COL18A1: variants seen among roughly 807,000 people sequenced by gnomAD.
COL18A1 encodes collagen alpha-1(XVIII) chain.
In COL18A1, 133 loss-of-function variants were observed where a neutral mutation model predicts 168.0. That is an observed-to-expected ratio of 0.79 (90% CI 0.69 to 0.91). The LOEUF is 0.91. Ranked by LOEUF, COL18A1 falls within the 40% of genes least tolerant of loss-of-function variation. The pLI, the probability that COL18A1 is intolerant of heterozygous loss-of-function variation, is 0.00. For missense variants in COL18A1, 2,126 were observed against 1,925.4 expected (o/e 1.10, Z -1.95); for synonymous variants, 949 against 809.0 (o/e 1.17, Z -2.94).
chr21:45,503,805 A>G (rs942530999), intron 32 of COL18A1: 1 of 327,030 alleles, frequency 3.1e-6, no homozygotes, highest in Non-Finnish European at 5.4e-6. Context: ...TAAAAAATTT[A>G]AAAATAAAAT....
intron 2 of COL18A1, among the ~76,000 whole-genome samples, chr21:45,438,627 G>A (rs2034285667): frequency 6.6e-6 from 1 of 152,246 alleles, no homozygotes; most frequent in Non-Finnish European, 1.5e-5. Context: ...GGGAGTGTGT[G>A]CTGTAGAGGC....
In COL18A1 at chr21:45,440,237, C is replaced by T. The variant is rs568673028; in HGVS notation, c.107-28005C>T. On this transcript the variant is annotated intron_variant, in intron 2 of 41. Coordinates refer to ENST00000651438, the MANE Select transcript of COL18A1 (RefSeq NM_001379500.1). ...CACAGGCTCCCGCTGGAATTTGCTGCGTTCTCCAAGCTCTGCAAGATTCAG... is the reference window on the plus strand; with the variant it reads ...CACAGGCTCCCGCTGGAATTTGCTGTGTTCTCCAAGCTCTGCAAGATTCAG... 2.7e-4 allele frequency among the ~76,000 whole-genome samples: 41 copies of T among 152,376 alleles called. No homozygotes were observed. The East Asian group carries it at 7.9e-3, about 29-fold the overall frequency.
chr21:45,451,526 A>T (rs1207968419), intron 2 of COL18A1, among the ~76,000 whole-genome samples: 3 of 152,178 alleles, frequency 2.0e-5, no homozygotes, highest in Non-Finnish European at 4.4e-5. Flanking sequence ...GCTCTTCCCC[A>T]GCTCCTCGCT....
At chr21:45,447,868 C>T (rs78682852) in intron 2 of COL18A1, among the ~76,000 whole-genome samples, 6,437 of 152,150 alleles carry the variant, frequency 0.042, 174 homozygotes, top group African/African-American at 0.073. Context: ...CGGTGAGCCT[C>T]GCTGCCCTGC....
rs375869194 is a variant in COL18A1, at chr21:45,498,306, G to T, written c.2683+645G>T. The T allele has an allele frequency of 1.0e-5, 7 of 699,202 alleles. No individual in the cohort carries two copies. The highest frequency in any genetic ancestry group is 1.8e-5 in the African/African-American group (1 of 56,400). 43.3% of individuals were successfully genotyped at this position (699,202 alleles called of 1,614,324 possible). A position where few individuals can be genotyped will look rare whatever the true frequency, so the allele number is the denominator to read the frequency against. ...CCTTTCACCACCAGGGTCCCCTCTC[G>T]CCGCCACGGTCCCCTCTCGCCGCCA... On this transcript the variant is annotated intron_variant, in intron 32 of 41. Coordinates refer to ENST00000651438, the MANE Select transcript of COL18A1 (RefSeq NM_001379500.1). The surrounding 1 kb of genome is among the most constrained non-coding windows in gnomAD (Gnocchi z 4.5).
chr21:45,500,360 GTA>G (rs1479726872), intron 32 of COL18A1, among the ~76,000 whole-genome samples: 2 of 128,320 alleles, frequency 1.6e-5, no homozygotes, highest in Non-Finnish European at 1.6e-5. Context: ...TGTTGGGTGT[GTA>G]GTGTGTGAGG....
In COL18A1 at chr21:45,488,508, G is replaced by A. The variant is rs2036192638; in HGVS notation, c.1923+64G>A. 9 of 1,611,554 alleles carry A rather than the reference G, an allele frequency of 5.6e-6. No individual in the cohort carries two copies. The South Asian group carries it at 9.9e-5, about 18-fold the overall frequency. ...CTTGGCCCTGTCTCGACATCTTGGG[G>A]CTGGGGGAGACAGGGCCTTGCCTCG... On this transcript the variant is annotated intron_variant, in intron 18 of 41. Transcript: ENST00000651438.
chr21:45,493,288 C>T, intron 25 of COL18A1, 63 bp downstream of exon 25: 5 of 1,520,276 alleles, frequency 3.3e-6, no homozygotes, highest in Non-Finnish European at 3.6e-6. Flanking sequence ...CCAGCCTGCC[C>T]AGATGACCAC....
chr21:45,417,912 C>G (rs1310276408), intron 2 of COL18A1, among the ~76,000 whole-genome samples: 1 of 152,266 alleles, frequency 6.6e-6, no homozygotes, highest in Non-Finnish European at 1.5e-5. Flanking sequence ...GCCCCACCCA[C>G]AGCGCAGCTG....
At position 45,497,076 on chromosome 21, in the gene COL18A1, G is replaced by C. The variant is rs778885304; in HGVS notation, c.2604G>C (p.Gly868=). The C allele has an allele frequency of 6.3e-7, 1 of 1,599,530 alleles. No homozygotes were observed. The highest frequency in any genetic ancestry group is 8.5e-7 in the Non-Finnish European group (1 of 1,173,752). ...TGTTTGCTGAGTCCAGCCGCCCCGG[G>C]CCTCCAGGATTGCCAGGTGAGGGTC... The part of the protein sequence containing the change: ...SNVFAESSRP[G]PPGLPGNQGP... The change falls in exon 31 of 42, where the codon GGG becomes GGC. Residue 868 remains glycine, a synonymous_variant. Transcript: ENST00000651438.
intron 2 of COL18A1, among the ~76,000 whole-genome samples, chr21:45,451,986 G>C (rs909432675): frequency 4.6e-5 from 7 of 152,350 alleles, no homozygotes; most frequent in African/African-American, 1.7e-4. Flanking sequence ...CTCTGTCTCT[G>C]GCAGGCCTGA....
At position 45,490,926 on chromosome 21, in the gene COL18A1, A is replaced by C. The variant is rs1290267917; in HGVS notation, c.2067+55A>C. 41 of 1,513,480 alleles carry C rather than the reference A, an allele frequency of 2.7e-5. 1 individual carries two copies. Among genetic ancestry groups the C allele is most frequent in the Middle Eastern group, 2.0e-4 (1 of 4,930 alleles). The allele number at this position is 1,513,480 out of a possible 1,614,324, so 93.8% of individuals were successfully genotyped here. A position where few individuals can be genotyped will look rare whatever the true frequency, so the allele number is the denominator to read the frequency against. Reference sequence around the variant, plus strand: ...ATGGGGGGCGCTGGGACATCCCAGAAGGTTTGGCCTCAGCTGCCCCAGGTC... The same window carrying C: ...ATGGGGGGCGCTGGGACATCCCAGACGGTTTGGCCTCAGCTGCCCCAGGTC... On this transcript the variant is annotated intron_variant, in intron 21 of 41. Coordinates refer to ENST00000651438, the MANE Select transcript of COL18A1 (RefSeq NM_001379500.1).
At chr21:45,472,836 C>T (rs1214846679) in intron 3 of COL18A1, among the ~76,000 whole-genome samples, 1 of 152,122 alleles carries the variant, frequency 6.6e-6, no homozygotes, top group East Asian at 1.9e-4. Flanking sequence ...CGCGTGCATA[C>T]GTGATCTCAT....
At chr21:45,414,515 G>A (rs1299227565) in intron 2 of COL18A1, among the ~76,000 whole-genome samples, 1 of 152,198 alleles carries the variant, frequency 6.6e-6, no homozygotes, top group East Asian at 1.9e-4. Flanking sequence ...TCATCACAGG[G>A]GACGTCTGGC....
intron 9 of COL18A1, among the ~76,000 whole-genome samples, chr21:45,479,013 C>T (rs1236717948): frequency 6.6e-6 from 1 of 152,118 alleles, no homozygotes; most frequent in Non-Finnish European, 1.5e-5. Flanking sequence ...AGGACCACGG[C>T]AGACAAAGGA....
At chr21:45,438,827 GAAGA>G (rs2034291710) in intron 2 of COL18A1, among the ~76,000 whole-genome samples, 1 of 152,256 alleles carries the variant, frequency 6.6e-6, no homozygotes, top group Non-Finnish European at 1.5e-5. Context: ...CAGCCGGAAG[GAAGA>G]AAGTGAAGTT....
rs2035512646 is a variant in COL18A1 at position 45,473,223 on chromosome 21, G to A, written c.652-672G>A. ...CCCGGCCTGCATCTCACCAGGCACC[G>A]CCGGCCGCGCCAGGGCCCGAGAGGG... On this transcript the variant is annotated intron_variant, in intron 3 of 41. Coordinates refer to ENST00000651438, the MANE Select transcript of COL18A1 (RefSeq NM_001379500.1). The surrounding 1 kb of genome is among the most constrained non-coding windows in gnomAD (Gnocchi z 4.0). Among the ~76,000 whole-genome samples, 1 of 152,180 alleles carries A rather than the reference G, an allele frequency of 6.6e-6. No homozygotes were observed. The highest frequency in any genetic ancestry group is 1.5e-5 in the Non-Finnish European group (1 of 68,034).
chr21:45,476,818 G>A (rs1175681032), intron 6 of COL18A1, among the ~76,000 whole-genome samples: 1 of 151,590 alleles, frequency 6.6e-6, no homozygotes, highest in East Asian at 1.9e-4. Flanking sequence ...CGTGTGTGGT[G>A]TGCAGTGCAT....
At position 45,505,215 on chromosome 21, in the gene COL18A1, C is replaced by T; in HGVS notation, c.2950C>T (p.Gln984Ter). Residue 984 changes from glutamine (Q) to a stop codon, truncating the protein, a stop_gained, in exon 35 of 42, where the codon CAG (glutamine) becomes TAG (stop). Coordinates refer to ENST00000651438, the MANE Select transcript of COL18A1 (RefSeq NM_001379500.1). LOFTEE classifies it high-confidence loss of function. ...GPPGIGYEGR[Q>*]GPPGPPGPPG... ...CCCCGGCATCGGCTACGAGGGGCGCCAGGGCCCTCCCGGCCCCCCAGGCCC... is the reference window on the plus strand; with the variant it reads ...CCCCGGCATCGGCTACGAGGGGCGCTAGGGCCCTCCCGGCCCCCCAGGCCC... 1 of 1,602,070 alleles carries T rather than the reference C, an allele frequency of 6.2e-7. No individual in the cohort carries two copies. The highest frequency in any genetic ancestry group is 8.5e-7 in the Non-Finnish European group (1 of 1,174,406).
Sources: gnomAD v4.1 joint callset for allele counts (sites outside exome capture counted in the v4.1 genomes callset) on GRCh38, gnomAD v4.1.1 for gene constraint, Gnocchi (gnomAD v3.1) non-coding constraint, MANE v1.5 for transcripts, NCBI Gene and HGNC (gene_info 2026-07-23, HGNC 2026-07-21) for gene names.